DENND11: variants seen among roughly 807,000 people sequenced by gnomAD.
DENND11 encodes the protein DENN domain-containing protein 11.
A neutral mutation model predicts 49.2 loss-of-function variants in DENND11; 34 were observed. That is an observed-to-expected ratio of 0.69 (90% CI 0.53 to 0.92). DENND11 has a LOEUF of 0.92. DENND11 is among the 40% of genes least tolerant of loss of function. DENND11 has a pLI of 0.00. For missense variants in DENND11, 475 were observed against 581.6 expected (o/e 0.82, Z 1.88); for synonymous variants, 238 against 230.3 (o/e 1.03, Z -0.30).
chr7:141,699,544 C>CA (rs1798472012), intron 1 of DENND11, among the ~76,000 whole-genome samples: 2 of 152,164 alleles, frequency 1.3e-5, no homozygotes, highest in Middle Eastern at 3.4e-3. Context: ...GCTTTCCCCC[C>CA]ACAAAAAAAC....
At chr7:141,685,026 AAAAATATAT>A (rs1280058544) in intron 3 of DENND11, among the ~76,000 whole-genome samples, 2 of 101,690 alleles carry the variant, frequency 2.0e-5, no homozygotes, top group African/African-American at 6.6e-5. Flanking sequence ...AAAAAAAAAA[AAAAATATAT>A]ATATATATAT....
At chr7:141,669,809 A>ATTTTTTTT (rs72053527) in intron 4 of DENND11, among the ~76,000 whole-genome samples, 7 of 116,260 alleles carry the variant, frequency 6.0e-5, no homozygotes, top group Non-Finnish European at 1.2e-4. Context: ...CATACATGCT[A>ATTTTTTTT]TTTTTTTTTT....
chr7:141,692,133 C>T (rs564562233), intron 1 of DENND11, among the ~76,000 whole-genome samples: 1 of 152,306 alleles, frequency 6.6e-6, no homozygotes, highest in African/African-American at 2.4e-5. Context: ...ATAGTCAGTT[C>T]TACTTTTATC....
At chr7:141,669,843 G>A (rs986473318) in intron 4 of DENND11, among the ~76,000 whole-genome samples, 18 of 117,924 alleles carry the variant, frequency 1.5e-4, no homozygotes, top group East Asian at 2.5e-4. Flanking sequence ...ACGGAGTCTC[G>A]CTGTCGCCCA....
At chr7:141,685,029 A>AATATAT (rs1167922771) in intron 3 of DENND11, among the ~76,000 whole-genome samples, 115 of 91,514 alleles carry the variant, frequency 1.3e-3, no homozygotes, top group East Asian at 1.7e-3. Context: ...AAAAAAAAAA[A>AATATAT]ATATATATAT....
intron 4 of DENND11, 116 bp from the exon 5 acceptor site, chr7:141,666,541 A>G: frequency 3.0e-6 from 3 of 984,204 alleles, no homozygotes; most frequent in Non-Finnish European, 4.3e-6. Flanking sequence ...AAACAGATAC[A>G]TTAAAGGATG....
chr7:141,662,889 G>GGC (rs66929974), intron 8 of DENND11, 38 bp from the exon 9 acceptor site: 45,528 of 1,466,150 alleles, frequency 0.031, 1,335 homozygotes, highest in South Asian at 0.13. Flanking sequence ...AGGAAGCGGG[G>GGC]GGGAATAAAA....
Position 141,702,065 on chromosome 7 carries a change from C to T in DENND11, c.89G>A (p.Gly30Glu). 2.0e-6 allele frequency: 2 copies of T among 989,132 alleles called. No individual in the cohort carries two copies. Among genetic ancestry groups the T allele is most frequent in the South Asian group, 9.0e-5 (2 of 22,132 alleles). The allele number at this position is 989,132 out of a possible 1,614,324, so 61.3% of individuals were successfully genotyped here. A position where few individuals can be genotyped will look rare whatever the true frequency, so the allele number is the denominator to read the frequency against. Reference sequence around the variant, plus strand: ...CCCGCCGCCGCCCCGGCCCCAGCCTCCCGCCTGCGGCTGCGGGGCCTGCGG... The same window carrying T: ...CCCGCCGCCGCCCCGGCCCCAGCCTTCCGCCTGCGGCTGCGGGGCCTGCGG... The part of the protein sequence containing the change: ...SLPQAPQPQA[G>E]GWGRGGGGGA... Residue 30 changes from glycine (G) to glutamate (E), a missense_variant, in exon 1 of 9, where the codon GGA becomes GAA. Physicochemically the swap from Gly to Glu is moderately conservative, Grantham distance 98 (BLOSUM62 -2). Coordinates refer to ENST00000536163, the MANE Select transcript of DENND11 (RefSeq NM_001080392.2).
At position 141,666,417 on chromosome 7, in the gene DENND11, G is replaced by C; in HGVS notation, c.690C>G (p.His230Gln). Residue 230 changes from histidine to glutamine, a missense_variant, in exon 5 of 9, where the codon CAC (histidine) becomes CAG (glutamine). Coordinates refer to ENST00000536163, the MANE Select transcript of DENND11 (RefSeq NM_001080392.2). ...TAAACTGAGACATGCAGCCAGCTGG[G>C]TGTGTGATCTGAAAAAATTGAGGGG... ...RYMYPEMKIT[H>Q]PAGCMSQFIK... The C allele has an allele frequency of 6.2e-7, 1 of 1,601,980 alleles. No individual in the cohort carries two copies. The highest frequency in any genetic ancestry group is 8.5e-7 in the Non-Finnish European group (1 of 1,170,686).
chr7:141,671,122 G>A lies in DENND11; in HGVS notation c.681+2945C>T, dbSNP rs115870232. On this transcript the variant is annotated intron_variant, in intron 4 of 8. Coordinates refer to ENST00000536163, the MANE Select transcript of DENND11 (RefSeq NM_001080392.2). ...TTGAATTAAATATTGTTACACATAC[G>A]TCATTCTGATGGATAGATCCTGAGG... Among the ~76,000 whole-genome samples the A allele has an allele frequency of 4.0e-3, 612 of 152,240 alleles. 4 individuals carry two copies. Among genetic ancestry groups the A allele is most frequent in the African/African-American group, 0.014 (565 of 41,534 alleles).
At chr7:141,667,715 C>T (rs898187037) in intron 4 of DENND11, among the ~76,000 whole-genome samples, 3 of 152,158 alleles carry the variant, frequency 2.0e-5, no homozygotes, top group Non-Finnish European at 2.9e-5. Context: ...CACCTATACC[C>T]GAGCCTCAGG....
At chr7:141,694,343 C>G (rs1208377186) in intron 1 of DENND11, among the ~76,000 whole-genome samples, 1 of 152,086 alleles carries the variant, frequency 6.6e-6, no homozygotes, top group Non-Finnish European at 1.5e-5. Context: ...TCACTATAAC[C>G]TCTAACTCCA....
At chr7:141,685,037 T>A (rs778959437) in intron 3 of DENND11, among the ~76,000 whole-genome samples, 7,668 of 116,590 alleles carry the variant, frequency 0.066, 418 homozygotes, top group South Asian at 0.19. Flanking sequence ...AAAATATATA[T>A]ATATATATAT....
chr7:141,693,012 G>A (rs1014396221), intron 1 of DENND11, among the ~76,000 whole-genome samples: 1 of 152,102 alleles, frequency 6.6e-6, no homozygotes, highest in Non-Finnish European at 1.5e-5. Flanking sequence ...TGGATATATT[G>A]GACTTCATTA....
At chr7:141,693,407 G>T (rs1014902084) in intron 1 of DENND11, among the ~76,000 whole-genome samples, 6 of 152,148 alleles carry the variant, frequency 3.9e-5, no homozygotes, top group African/African-American at 1.4e-4. Context: ...ATATAAAATG[G>T]CACAACCACT....
At chr7:141,672,533 A>G (rs1797999190) in intron 4 of DENND11, among the ~76,000 whole-genome samples, 1 of 152,190 alleles carries the variant, frequency 6.6e-6, no homozygotes, top group Non-Finnish European at 1.5e-5. Flanking sequence ...TCCCTCAAGA[A>G]ATTCGATCCT....
intron 5 of DENND11, among the ~76,000 whole-genome samples, chr7:141,665,898 A>G (rs1237541771): frequency 1.3e-5 from 2 of 151,714 alleles, no homozygotes; most frequent in Non-Finnish European, 2.9e-5. Context: ...AACCTTATCA[A>G]GCCAGCCCCC....
intron 4 of DENND11, among the ~76,000 whole-genome samples, chr7:141,670,046 G>A (rs1010716360): frequency 5.1e-4 from 77 of 150,120 alleles, no homozygotes; most frequent in Non-Finnish European, 9.5e-4. Flanking sequence ...TCCTGACCTC[G>A]TGATCCGCCC....
At chr7:141,667,292 T>C (rs1023645461) in intron 4 of DENND11, among the ~76,000 whole-genome samples, 4 of 152,132 alleles carry the variant, frequency 2.6e-5, no homozygotes, top group African/African-American at 7.2e-5. Flanking sequence ...AGGAGTATCA[T>C]AGGGGTTAAG....
Sources: allele counts gnomAD v4.1 joint callset (sites outside exome capture counted in the v4.1 genomes callset), GRCh38; gene constraint gnomAD v4.1.1; transcripts MANE v1.5; gene names NCBI Gene and HGNC (gene_info 2026-07-23, HGNC 2026-07-21).